DLG2: variants seen among roughly 807,000 people sequenced by gnomAD.
DLG2 encodes disks large homolog 2.
A neutral mutation model predicts 132.5 loss-of-function variants in DLG2; 45 were observed. The ratio of observed to expected loss-of-function variants is 0.34; its 90% CI spans 0.27 to 0.44. The LOEUF is 0.44. DLG2 is among the 20% of genes least tolerant of loss of function. The probability of loss-of-function intolerance (pLI) is 1.00; values close to 1 mark genes in which losing one functional copy is unlikely to be tolerated. For missense variants in DLG2, 1,045 were observed against 1,196.9 expected (o/e 0.87, Z 1.87); for synonymous variants, 424 against 419.6 (o/e 1.01, Z -0.13).
chr11:83,612,054 A>G (rs2060194395), intron 19 of DLG2, among the ~76,000 whole-genome samples: 1 of 152,178 alleles, frequency 6.6e-6, no homozygotes, highest in Non-Finnish European at 1.5e-5. Context: ...GACTAGAGGA[A>G]AGAGTTTAAT....
At chr11:84,572,045 A>T (rs1316496340) in intron 6 of DLG2, among the ~76,000 whole-genome samples, 2 of 150,654 alleles carry the variant, frequency 1.3e-5, no homozygotes, top group Non-Finnish European at 2.9e-5. Flanking sequence ...AGTGGATTCT[A>T]GATTTTTTTT....
chr11:85,378,522 A>C (rs1383208631), intron 3 of DLG2, among the ~76,000 whole-genome samples: 2 of 152,154 alleles, frequency 1.3e-5, no homozygotes, highest in Non-Finnish European at 2.9e-5. Context: ...ATTTAATTAC[A>C]GCCATTAAAC....
At chr11:84,553,097 C>G (rs1384147365) in intron 6 of DLG2, among the ~76,000 whole-genome samples, 1 of 152,168 alleles carries the variant, frequency 6.6e-6, no homozygotes, top group East Asian at 1.9e-4. Context: ...CTTCCCAAAT[C>G]ACAGGTGAGA....
At chr11:85,472,530 C>A (rs1419367937) in intron 3 of DLG2, among the ~76,000 whole-genome samples, 1 of 152,128 alleles carries the variant, frequency 6.6e-6, no homozygotes, top group Admixed American at 6.5e-5. Flanking sequence ...GATCTCTTGA[C>A]CTCGTGATCC....
chr11:84,078,536 A>T (rs1594777417), intron 10 of DLG2, among the ~76,000 whole-genome samples: 1 of 152,244 alleles, frequency 6.6e-6, no homozygotes, highest in East Asian at 1.9e-4. Flanking sequence ...CATATACTTT[A>T]TTTTTTTAAA....
chr11:84,259,642 C>T (rs1169125827), intron 7 of DLG2, among the ~76,000 whole-genome samples: 2 of 152,082 alleles, frequency 1.3e-5, no homozygotes, highest in African/African-American at 2.4e-5. Context: ...TAATAAAATG[C>T]CTGGATGGTT....
chr11:83,704,864 C>T (rs1450195346), intron 18 of DLG2, among the ~76,000 whole-genome samples: 1 of 151,946 alleles, frequency 6.6e-6, no homozygotes, highest in Non-Finnish European at 1.5e-5. Flanking sequence ...AGGAAAAAAA[C>T]TGAGTATAAC....
At chr11:85,122,778 GA>G (rs1380291541) in intron 5 of DLG2, among the ~76,000 whole-genome samples, 7 of 150,970 alleles carry the variant, frequency 4.6e-5, no homozygotes, top group Admixed American at 2.7e-4. Context: ...GGGAATCCCT[GA>G]AGGATTATAA....
chr11:84,442,605 A>G (rs1303545859), intron 7 of DLG2, among the ~76,000 whole-genome samples: 1 of 152,032 alleles, frequency 6.6e-6, no homozygotes, highest in African/African-American at 2.4e-5. Context: ...GGTGCAGCAA[A>G]CCACCACGGC....
At chr11:83,985,771 G>C (rs1324364740) in intron 11 of DLG2, among the ~76,000 whole-genome samples, 1 of 152,014 alleles carries the variant, frequency 6.6e-6, no homozygotes, top group Non-Finnish European at 1.5e-5. Flanking sequence ...TTGGCATTTA[G>C]GTTGATTCCA....
At chr11:84,116,938 G>A (rs777578273) in intron 9 of DLG2, among the ~76,000 whole-genome samples, 3 of 152,092 alleles carry the variant, frequency 2.0e-5, no homozygotes, top group Non-Finnish European at 4.4e-5. Context: ...GCTTTCCAAC[G>A]CCTATTTCTC....
intron 7 of DLG2, among the ~76,000 whole-genome samples, chr11:84,533,941 G>T (rs1240243452): frequency 3.2e-5 from 3 of 93,692 alleles, no homozygotes; most frequent in Non-Finnish European, 6.6e-5. Context: ...AAAAAAATCA[G>T]AGTAATTTGC....
intron 19 of DLG2, among the ~76,000 whole-genome samples, chr11:83,583,579 G>A (rs2097022038): frequency 6.6e-6 from 1 of 152,202 alleles, no homozygotes. Flanking sequence ...GTAACTTGCA[G>A]TTGCAAAATG....
intron 6 of DLG2, among the ~76,000 whole-genome samples, chr11:84,556,532 T>C (rs1236791850): frequency 6.6e-6 from 1 of 152,114 alleles, no homozygotes; most frequent in African/African-American, 2.4e-5. Flanking sequence ...TAAAAATAAA[T>C]AAATAAATTG....
chr11:84,144,784 C>A (rs1257720580), intron 9 of DLG2, among the ~76,000 whole-genome samples: 1 of 151,736 alleles, frequency 6.6e-6, no homozygotes, highest in Non-Finnish European at 1.5e-5. Flanking sequence ...CTGCAGATGA[C>A]TGAAGTAGTT....
intron 6 of DLG2, among the ~76,000 whole-genome samples, chr11:84,958,826 T>C (rs572697391): frequency 2.2e-4 from 33 of 152,346 alleles, no homozygotes; most frequent in Admixed American, 2.0e-3. Context: ...ACTTGCCAGC[T>C]ACAAACCCTG....
intron 3 of DLG2, among the ~76,000 whole-genome samples, chr11:85,417,452 G>T (rs1193291365): frequency 6.6e-6 from 1 of 152,186 alleles, no homozygotes; most frequent in Non-Finnish European, 1.5e-5. Flanking sequence ...GATGATGCTG[G>T]CCTCATCAAA....
At chr11:85,130,701 A>C (rs992546429) in intron 5 of DLG2, among the ~76,000 whole-genome samples, 1 of 152,202 alleles carries the variant, frequency 6.6e-6, no homozygotes, top group Non-Finnish European at 1.5e-5. Flanking sequence ...ATGAGTATTA[A>C]ACTAAGATAT....
At chr11:83,632,391 G>T (rs1037543876) in intron 19 of DLG2, 7 of 152,148 alleles carry the variant, frequency 4.6e-5, no homozygotes, top group African/African-American at 1.7e-4. Flanking sequence ...AATGGGCATG[G>T]TTCTTCCATA....
Sources: gnomAD v4.1 joint callset for allele counts (sites outside exome capture counted in the v4.1 genomes callset) on GRCh38, gnomAD v4.1.1 for gene constraint, MANE v1.5 for transcripts, NCBI Gene and HGNC (gene_info 2026-07-23, HGNC 2026-07-21) for gene names.